Variants in SOX5 observed in about 807,000 individuals in gnomAD.
The protein encoded by SOX5 is SRY-box transcription factor 5, also known as transcription factor SOX-5.
SOX5 carries 9 observed loss-of-function variants against 92.0 expected under a neutral mutation model. The observed-to-expected ratio is 0.10, with a 90% CI of 0.06 to 0.17. SOX5 has a LOEUF of 0.17. Among genes scored for constraint, SOX5 ranks in the 10% least tolerant of loss-of-function variants. The pLI is 1.00. For missense variants in SOX5, 642 were observed against 944.5 expected, an observed-to-expected ratio of 0.68 and a Z score of 4.20; for synonymous variants, 344 against 336.3, an observed-to-expected ratio of 1.02 and a Z score of -0.25.
intron 2 of SOX5, among the ~76,000 whole-genome samples, chr12:24,300,293 T>A (rs956813684): frequency 1.3e-5 from 2 of 152,214 alleles, no homozygotes; most frequent in Non-Finnish European, 2.9e-5. Flanking sequence ...TAAAGTATAC[T>A]GGAATTCAGC....
At chr12:23,776,278 A>G (rs1223813064) in intron 3 of SOX5, among the ~76,000 whole-genome samples, 1 of 152,172 alleles carries the variant, frequency 6.6e-6, no homozygotes, top group Non-Finnish European at 1.5e-5. Context: ...GTAACAATTT[A>G]TTTTCCTCAC....
intron 10 of SOX5, among the ~76,000 whole-genome samples, chr12:23,567,973 C>A (rs775844390): frequency 6.6e-6 from 1 of 152,100 alleles, no homozygotes; most frequent in Non-Finnish European, 1.5e-5. Flanking sequence ...TACAAAACCA[C>A]TTGTAATGGG....
At chr12:24,293,067 A>G (rs2140525913) in intron 2 of SOX5, among the ~76,000 whole-genome samples, 1 of 152,336 alleles carries the variant, frequency 6.6e-6, no homozygotes, top group South Asian at 2.1e-4. Context: ...CATCACATGT[A>G]GTCACTATAC....
chr12:24,100,752 C>T (rs918533931), intron 4 of SOX5, among the ~76,000 whole-genome samples: 9 of 152,042 alleles, frequency 5.9e-5, no homozygotes, highest in African/African-American at 1.9e-4. Context: ...CCAAACAGAG[C>T]GCCCAGAACT....
chr12:24,133,050 A>G (rs1273378266), intron 4 of SOX5, among the ~76,000 whole-genome samples: 5 of 152,220 alleles, frequency 3.3e-5, no homozygotes, highest in Non-Finnish European at 7.3e-5. Flanking sequence ...ACACATTTTA[A>G]TAGTTATATA....
chr12:24,000,865 G>A (rs1951532406), intron 4 of SOX5, among the ~76,000 whole-genome samples: 1 of 152,076 alleles, frequency 6.6e-6, no homozygotes, highest in Admixed American at 6.6e-5. Flanking sequence ...GATATATCGT[G>A]CATACAGAAA....
At chr12:24,120,706 T>G (rs1040433509) in intron 4 of SOX5, among the ~76,000 whole-genome samples, 4 of 152,226 alleles carry the variant, frequency 2.6e-5, no homozygotes, top group Admixed American at 2.0e-4. Context: ...TTGAGAGCAA[T>G]GAAAATACAC....
At chr12:23,701,332 T>C (rs370573071) in intron 6 of SOX5, among the ~76,000 whole-genome samples, 1 of 151,872 alleles carries the variant, frequency 6.6e-6, no homozygotes, top group East Asian at 1.9e-4. Context: ...TAAGAGAAAT[T>C]GGAATTCTGA....
At chr12:24,277,464 A>G (rs558669028) in intron 2 of SOX5, among the ~76,000 whole-genome samples, 1 of 63,374 alleles carries the variant, frequency 1.6e-5, no homozygotes. Context: ...ATGTAAATTT[A>G]CATTTAAATA....
chr12:23,903,074 C>T (rs1431103754), intron 1 of SOX5, among the ~76,000 whole-genome samples: 3 of 152,102 alleles, frequency 2.0e-5, no homozygotes, highest in Non-Finnish European at 2.9e-5. Flanking sequence ...ATCCATTTAT[C>T]CACCTATTCA....
At chr12:24,121,597 G>C in intron 4 of SOX5, among the ~76,000 whole-genome samples, 1 of 147,176 alleles carries the variant, frequency 6.8e-6, no homozygotes, top group South Asian at 2.2e-4. Context: ...TTTTGAGAAG[G>C]GATGAGATGG....
chr12:23,924,865 A>C lies in SOX5; in HGVS notation c.38+24699T>G, dbSNP rs148906427. On this transcript the variant is annotated intron_variant, in intron 1 of 14. Transcript: ENST00000451604. Reference sequence around the variant, plus strand: ...AAGCTCATATGATTAAATCCCTATCATTTTAATTTTAAACTTCTTTCAGTC... The same window carrying C: ...AAGCTCATATGATTAAATCCCTATCCTTTTAATTTTAAACTTCTTTCAGTC... 7.2e-5 allele frequency among the ~76,000 whole-genome samples: 11 copies of C among 152,244 alleles called. 1 individual carries two copies. The highest frequency in any genetic ancestry group is 2.0e-4 in the Admixed American group (3 of 15,270).
At chr12:24,263,807 A>T (rs1942618343) in intron 3 of SOX5, among the ~76,000 whole-genome samples, 1 of 152,172 alleles carries the variant, frequency 6.6e-6, no homozygotes, top group South Asian at 2.1e-4. Flanking sequence ...TACTGTTTCA[A>T]ACTGGAAGTT....
intron 3 of SOX5, among the ~76,000 whole-genome samples, chr12:23,800,556 TA>T (rs140750276): frequency 0.018 from 2,645 of 149,016 alleles, 81 homozygotes; most frequent in African/African-American, 0.061. Context: ...CTTTAAAATT[TA>T]AAAAAAAAAC....
intron 1 of SOX5, among the ~76,000 whole-genome samples, chr12:24,542,076 TGCTTTTATGATTAAAAACCCAAAG>T (rs1952181303): frequency 6.6e-6 from 1 of 152,230 alleles, no homozygotes; most frequent in Non-Finnish European, 1.5e-5. Flanking sequence ...TACTCTCCAA[TGCTTTTATGATTAAAAACCCAAAG>T]GCTTAAGAGG....
At chr12:24,136,017 T>C (rs1050305229) in intron 4 of SOX5, among the ~76,000 whole-genome samples, 1 of 152,202 alleles carries the variant, frequency 6.6e-6, no homozygotes, top group Non-Finnish European at 1.5e-5. Context: ...TATCTTCTAA[T>C]GATGTGAGGG....
chr12:23,744,855 AG>A (rs2093927371), intron 4 of SOX5, among the ~76,000 whole-genome samples: 1 of 152,286 alleles, frequency 6.6e-6, no homozygotes. Flanking sequence ...GGATGCTAGA[AG>A]TCTAAGATTA....
chr12:24,154,929 T>C (rs1280021204), intron 4 of SOX5, among the ~76,000 whole-genome samples: 2 of 152,154 alleles, frequency 1.3e-5, no homozygotes. Context: ...ATTATAAAAG[T>C]AAATCATGCC....
intron 8 of SOX5, chr12:23,632,036 T>A (rs1180770602): frequency 1.3e-5 from 2 of 152,188 alleles, no homozygotes; most frequent in Non-Finnish European, 2.9e-5. Context: ...TTGGCTGCAC[T>A]TTTTCAGGCC....
Sources: allele counts gnomAD v4.1 joint callset (sites outside exome capture counted in the v4.1 genomes callset), GRCh38; gene constraint gnomAD v4.1.1; transcripts MANE v1.5; gene names NCBI Gene and HGNC (gene_info 2026-07-23, HGNC 2026-07-21).